RGS7: variants seen among roughly 807,000 people sequenced by gnomAD.
RGS7 encodes the protein regulator of G protein signaling 7.
In RGS7, 27 loss-of-function variants were observed where a neutral mutation model predicts 81.1. The observed-to-expected ratio is 0.33, with a 90% CI of 0.25 to 0.46. The LOEUF (loss-of-function observed/expected upper bound fraction) is 0.46. RGS7 is among the 20% of genes least tolerant of loss of function. RGS7 has a pLI of 1.00. For missense variants in RGS7, 396 were observed against 607.4 expected (o/e 0.65, Z 3.66); for synonymous variants, 208 against 207.7 (o/e 1.00, Z -0.01).
At position 240,788,220 on chromosome 1, in the gene RGS7, G is replaced by A. The variant is rs115101406; in HGVS notation, c.*7-12007C>T. ...CTTTTTCTTTTTATACTCAAATTTC[G>A]ACAGGTTTATTTTAATAAAGTACTT... On this transcript the variant is annotated intron_variant, in intron 18 of 18. Coordinates refer to ENST00000440928, the MANE Select transcript of RGS7 (RefSeq NM_001364886.1). Among the ~76,000 whole-genome samples the A allele has an allele frequency of 7.7e-3, 1,176 of 152,044 alleles. 9 individuals are homozygous for A. The highest frequency in any genetic ancestry group is 0.027 in the African/African-American group (1,105 of 41,476).
At chr1:240,988,925 A>T (rs1254894841) in intron 3 of RGS7, among the ~76,000 whole-genome samples, 1 of 152,334 alleles carries the variant, frequency 6.6e-6, no homozygotes, top group East Asian at 1.9e-4. Context: ...ACAATTTCTT[A>T]GAAGAACATT....
chr1:241,102,090 T>C (rs2064787682), intron 2 of RGS7, among the ~76,000 whole-genome samples: 1 of 152,202 alleles, frequency 6.6e-6, no homozygotes, highest in Non-Finnish European at 1.5e-5. Flanking sequence ...AGGATTGGTG[T>C]TCTAGACTGA....
chr1:241,140,371 C>G (rs1386363468), intron 2 of RGS7, among the ~76,000 whole-genome samples: 3 of 152,172 alleles, frequency 2.0e-5, no homozygotes, highest in Non-Finnish European at 4.4e-5. Flanking sequence ...TTATTCTTCT[C>G]CACCCACTGA....
At chr1:240,991,718 T>C (rs1285420583) in intron 3 of RGS7, among the ~76,000 whole-genome samples, 1 of 152,238 alleles carries the variant, frequency 6.6e-6, no homozygotes, top group Non-Finnish European at 1.5e-5. Flanking sequence ...ATAAAACAAG[T>C]AATAAGTGTG....
chr1:241,274,033 TCTC>T (rs1170795555), intron 2 of RGS7, among the ~76,000 whole-genome samples: 8 of 152,222 alleles, frequency 5.3e-5, no homozygotes, highest in Admixed American at 2.0e-4. Context: ...GTGGATCTCT[TCTC>T]TCATGGAAAT....
chr1:241,346,802 T>C (rs2082924023), intron 2 of RGS7, among the ~76,000 whole-genome samples: 1 of 152,124 alleles, frequency 6.6e-6, no homozygotes, highest in Admixed American at 6.5e-5. Flanking sequence ...AAACACTCAA[T>C]AATTAACAAT....
At chr1:240,973,508 T>G (rs1186288100) in intron 4 of RGS7, among the ~76,000 whole-genome samples, 1 of 126,044 alleles carries the variant, frequency 7.9e-6, no homozygotes, top group Non-Finnish European at 1.8e-5. Flanking sequence ...AGACTGACTC[T>G]CAAAGAAAAA....
chr1:240,780,122 C>A (rs190420085), intron 18 of RGS7, among the ~76,000 whole-genome samples: 1 of 152,086 alleles, frequency 6.6e-6, no homozygotes, highest in Non-Finnish European at 1.5e-5. Context: ...GCATATATAC[C>A]TATTCTGAGA....
At chr1:241,293,018 A>G (rs2079174561) in intron 2 of RGS7, among the ~76,000 whole-genome samples, 1 of 152,238 alleles carries the variant, frequency 6.6e-6, no homozygotes. Context: ...TGGGTGCAAA[A>G]GCTGTATATA....
chr1:240,914,911 A>G (rs1390719851), intron 6 of RGS7, among the ~76,000 whole-genome samples: 1 of 152,186 alleles, frequency 6.6e-6, no homozygotes, highest in Non-Finnish European at 1.5e-5. Flanking sequence ...GGGAAAACCA[A>G]CATTGGGATA....
At chr1:241,152,491 A>T (rs1372824188) in intron 2 of RGS7, among the ~76,000 whole-genome samples, 1 of 152,200 alleles carries the variant, frequency 6.6e-6, no homozygotes, top group East Asian at 1.9e-4. Context: ...CCATCACTGA[A>T]TGCAACTCAT....
chr1:241,322,690 T>C (rs2081281182), intron 2 of RGS7, among the ~76,000 whole-genome samples: 1 of 152,208 alleles, frequency 6.6e-6, no homozygotes, highest in Admixed American at 6.5e-5. Context: ...TCAGAAAATT[T>C]GAGGGTCCTA....
At chr1:241,092,265 C>A (rs186170959) in intron 3 of RGS7, among the ~76,000 whole-genome samples, 78 of 152,304 alleles carry the variant, frequency 5.1e-4, no homozygotes, top group African/African-American at 1.9e-3. Flanking sequence ...ACAAATGAAG[C>A]AACTATCTTA....
Position 241,318,688 on chromosome 1 carries a change from C to T in RGS7, c.78+37011G>A, listed in dbSNP as rs555194331. ...ACAGGGCTTCTCCATGTTGGTCAGG[C>T]TGGTCTCGAACTCCCGACCTCAGGT... On this transcript the variant is annotated intron_variant, in intron 2 of 18. Coordinates refer to ENST00000440928, the MANE Select transcript of RGS7 (RefSeq NM_001364886.1). 2.4e-4 allele frequency among the ~76,000 whole-genome samples: 37 copies of T among 152,180 alleles called. No individual in the cohort carries two copies. In the East Asian group the frequency reaches 5.6e-3, roughly 23 times the overall value.
At chr1:240,867,869 G>A (rs1425974240) in intron 9 of RGS7, among the ~76,000 whole-genome samples, 2 of 151,904 alleles carry the variant, frequency 1.3e-5, no homozygotes, top group Non-Finnish European at 2.9e-5. Flanking sequence ...AGGCTTGGTG[G>A]CACATGCCTG....
chr1:241,354,760 G>A (rs1050488259), intron 2 of RGS7, among the ~76,000 whole-genome samples: 2 of 152,168 alleles, frequency 1.3e-5, no homozygotes, highest in African/African-American at 4.8e-5. Flanking sequence ...ATTTTGGGGT[G>A]TTTCAAAGCA....
chr1:241,333,123 CA>C (rs1285049594), intron 2 of RGS7, among the ~76,000 whole-genome samples: 3 of 152,208 alleles, frequency 2.0e-5, no homozygotes, highest in Non-Finnish European at 4.4e-5. Context: ...GAACAGACTT[CA>C]AAAGCAGATC....
At chr1:240,828,209 C>G (rs1693213197) in intron 9 of RGS7, among the ~76,000 whole-genome samples, 1 of 152,086 alleles carries the variant, frequency 6.6e-6, no homozygotes, top group Non-Finnish European at 1.5e-5. Context: ...TTCCTGACAA[C>G]CTCAGGTGTC....
chr1:240,782,289 G>A (rs371616499), intron 18 of RGS7, among the ~76,000 whole-genome samples: 13 of 152,290 alleles, frequency 8.5e-5, no homozygotes, highest in South Asian at 4.1e-4. Flanking sequence ...CACGTGGTAC[G>A]GTATTTGCAT....
Sources: allele counts gnomAD v4.1 joint callset (sites outside exome capture counted in the v4.1 genomes callset), GRCh38; gene constraint gnomAD v4.1.1; transcripts MANE v1.5; gene names NCBI Gene and HGNC (gene_info 2026-07-23, HGNC 2026-07-21).